Variants in TRPM3 observed in about 807,000 individuals in gnomAD.
TRPM3 encodes the protein transient receptor potential cation channel subfamily M member 3, also known as long transient receptor potential channel 3.
A neutral mutation model predicts 181.2 loss-of-function variants in TRPM3; 77 were observed. The ratio of observed to expected loss-of-function variants is 0.42; its 90% CI spans 0.35 to 0.51. The LOEUF is 0.51. TRPM3 is among the 20% of genes least tolerant of loss of function. The pLI is 0.01. For missense variants in TRPM3, 1,759 were observed against 2,196.7 expected (o/e 0.80, Z 3.98); for synonymous variants, 745 against 796.4 (o/e 0.94, Z 1.09).
chr9:71,310,389 A>T, intron 1 of TRPM3, among the ~76,000 whole-genome samples: 1 of 152,166 alleles, frequency 6.6e-6, no homozygotes, highest in East Asian at 1.9e-4. Flanking sequence ...ACCTTAAAAA[A>T]TCTAGAGAAA....
chr9:71,093,753 T>C (rs1266089875), intron 1 of TRPM3, among the ~76,000 whole-genome samples: 2 of 152,090 alleles, frequency 1.3e-5, no homozygotes, highest in Admixed American at 6.6e-5. Flanking sequence ...ACCCAAAGCA[T>C]TATAAATCAT....
At chr9:71,408,295 C>G (rs1488813648) in intron 1 of TRPM3, among the ~76,000 whole-genome samples, 2 of 152,110 alleles carry the variant, frequency 1.3e-5, no homozygotes, top group African/African-American at 2.4e-5. Flanking sequence ...ACGTTAATAA[C>G]GAACTTCTCT....
At chr9:71,041,881 A>G (rs2058865791) in intron 1 of TRPM3, among the ~76,000 whole-genome samples, 1 of 152,126 alleles carries the variant, frequency 6.6e-6, no homozygotes, top group African/African-American at 2.4e-5. Context: ...CCCTCAAATG[A>G]TACTCAATCC....
In TRPM3 at chr9:70,693,409, C is replaced by T. The variant is rs73647136; in HGVS notation, c.1273-11831G>A. Among the ~76,000 whole-genome samples the T allele has an allele frequency of 1.5e-3, 228 of 152,230 alleles. 1 individual carries two copies. The highest frequency in any genetic ancestry group is 5.2e-3 in the African/African-American group (214 of 41,542). On this transcript the variant is annotated intron_variant, in intron 8 of 25. Coordinates refer to ENST00000677713, the MANE Select transcript of TRPM3 (RefSeq NM_001366145.2). ...TCCCTCTGAGAAGGAACACCCAGAA[C>T]CAGAGACAGTTCTTCCAGGCCAACA...
intron 9 of TRPM3, among the ~76,000 whole-genome samples, chr9:70,640,965 T>C (rs1279189461): frequency 6.6e-6 from 1 of 152,160 alleles, no homozygotes; most frequent in East Asian, 1.9e-4. Flanking sequence ...GGTATGCATG[T>C]GATATTTTGA....
intron 1 of TRPM3, among the ~76,000 whole-genome samples, chr9:70,979,569 G>A (rs974926941): frequency 2.0e-5 from 3 of 152,132 alleles, no homozygotes; most frequent in African/African-American, 7.2e-5. Flanking sequence ...GCTCCTTGGT[G>A]TAAGTAATTT....
At chr9:71,342,401 A>C (rs1352508608) in intron 1 of TRPM3, among the ~76,000 whole-genome samples, 1 of 151,400 alleles carries the variant, frequency 6.6e-6, no homozygotes, top group Non-Finnish European at 1.5e-5. Context: ...AAAGACTGGT[A>C]GAATAATTAT....
intron 5 of TRPM3, among the ~76,000 whole-genome samples, chr9:70,832,799 T>C (rs778858107): frequency 8.5e-5 from 13 of 152,310 alleles, no homozygotes; most frequent in South Asian, 2.1e-4. Context: ...CCAGAAGTAG[T>C]AAACAGGAAG....
intron 1 of TRPM3, among the ~76,000 whole-genome samples, chr9:71,261,842 C>A (rs1190726018): frequency 6.6e-6 from 1 of 152,186 alleles, no homozygotes; most frequent in Non-Finnish European, 1.5e-5. Context: ...GGCTGCAAAA[C>A]AGCAAAGGTT....
At chr9:71,301,293 T>C (rs2086748436) in intron 1 of TRPM3, among the ~76,000 whole-genome samples, 1 of 152,170 alleles carries the variant, frequency 6.6e-6, no homozygotes. Context: ...TGAGTAATTT[T>C]GTACTGTATA....
chr9:71,351,555 C>A (rs183922324), intron 1 of TRPM3, among the ~76,000 whole-genome samples: 8 of 152,246 alleles, frequency 5.3e-5, no homozygotes, highest in Non-Finnish European at 1.0e-4. Flanking sequence ...ATAAATAAAT[C>A]ATTGTCTTTT....
intron 1 of TRPM3, among the ~76,000 whole-genome samples, chr9:71,356,421 CCCATACAGA>C (rs1205316894): frequency 6.6e-6 from 1 of 152,016 alleles, no homozygotes; most frequent in Non-Finnish European, 1.5e-5. Flanking sequence ...ACCCACACAA[CCCATACAGA>C]AAACTCAGAA....
intron 11 of TRPM3, among the ~76,000 whole-genome samples, chr9:70,637,917 A>G (rs1490356397): frequency 6.6e-6 from 1 of 152,164 alleles, no homozygotes; most frequent in Non-Finnish European, 1.5e-5. Flanking sequence ...TTTCCAATGT[A>G]CTAGTATTAA....
chr9:71,300,612 T>C (rs904675137), intron 1 of TRPM3, among the ~76,000 whole-genome samples: 2 of 152,136 alleles, frequency 1.3e-5, no homozygotes, highest in Non-Finnish European at 2.9e-5. Flanking sequence ...ATGATGCTGG[T>C]TTAACTGTAA....
At chr9:70,801,597 G>C (rs1212793961) in intron 6 of TRPM3, among the ~76,000 whole-genome samples, 1 of 152,004 alleles carries the variant, frequency 6.6e-6, no homozygotes, top group Non-Finnish European at 1.5e-5. Flanking sequence ...GCCTCATCCA[G>C]AAATGAGATG....
chr9:70,944,394 A>G (rs895360463), intron 1 of TRPM3, among the ~76,000 whole-genome samples: 1 of 152,200 alleles, frequency 6.6e-6, no homozygotes, highest in Non-Finnish European at 1.5e-5. Flanking sequence ...CGCTTTAGAC[A>G]GCAGAGCCTA....
chr9:71,091,893 T>C (rs756669184), intron 1 of TRPM3, among the ~76,000 whole-genome samples: 3 of 152,138 alleles, frequency 2.0e-5, no homozygotes, highest in Non-Finnish European at 2.9e-5. Context: ...AGAATTTTGT[T>C]TGGGTGCCCC....
At chr9:70,912,721 T>C (rs952248228) in intron 1 of TRPM3, among the ~76,000 whole-genome samples, 8 of 152,146 alleles carry the variant, frequency 5.3e-5, no homozygotes, top group Admixed American at 2.6e-4. Flanking sequence ...CAATACATGA[T>C]GAGAAGAGAA....
chr9:70,672,788 G>A (rs1165497452), intron 9 of TRPM3, among the ~76,000 whole-genome samples: 1 of 152,012 alleles, frequency 6.6e-6, no homozygotes. Context: ...TACTTTTGTA[G>A]GGGGAGTGAT....
Sources: allele counts gnomAD v4.1 joint callset (sites outside exome capture counted in the v4.1 genomes callset), GRCh38; gene constraint gnomAD v4.1.1; transcripts MANE v1.5; gene names NCBI Gene and HGNC (gene_info 2026-07-23, HGNC 2026-07-21).